The following MPP7 variants were observed in gnomAD, a reference collection of about 807,000 sequenced individuals.
The protein encoded by MPP7 is MAGUK p55 scaffold protein 7.
A neutral mutation model predicts 76.5 loss-of-function variants in MPP7; 60 were observed. That is an observed-to-expected ratio of 0.78 (90% CI 0.64 to 0.97). The LOEUF (loss-of-function observed/expected upper bound fraction) is 0.97, where lower values mean the gene tolerates loss of function less well. MPP7 is among the 50% of genes least tolerant of loss of function. MPP7 has a pLI of 0.00. For synonymous variants in MPP7, 237 were observed against 244.5 expected (o/e 0.97, Z 0.29); for missense variants, 641 against 694.0 (o/e 0.92, Z 0.86).
chr10:28,099,664 G>A (rs761651612), intron 11 of MPP7, among the ~76,000 whole-genome samples: 22 of 152,050 alleles, frequency 1.4e-4, no homozygotes, highest in South Asian at 8.3e-4. Flanking sequence ...AAAATCAGCC[G>A]GATGTGGTGG....
intron 3 of MPP7, among the ~76,000 whole-genome samples, chr10:28,169,121 C>A (rs1220973874): frequency 6.6e-6 from 1 of 152,084 alleles, no homozygotes; most frequent in African/African-American, 2.4e-5. Context: ...GTGGGAAGAG[C>A]ACCCCCTATG....
Position 28,137,840 on chromosome 10 carries a change from T to C in MPP7, c.316-6149A>G, listed in dbSNP as rs1311812905. 5.9e-5 allele frequency among the ~76,000 whole-genome samples: 9 copies of C among 152,284 alleles called. No individual in the cohort carries two copies. In the East Asian group the frequency reaches 1.5e-3, roughly 26 times the overall value. On this transcript the variant is annotated intron_variant, in intron 5 of 16. Coordinates refer to ENST00000683449, the MANE Select transcript of MPP7 (RefSeq NM_001318170.2). ...GAAGAATCTGCAGGAAATTGAACAC[T>C]AGGCCTTGTAACTCATCAGACTCAC... is the stretch of plus-strand genomic sequence containing the variant.
chr10:28,133,997 T>C (rs1835276425), intron 5 of MPP7, among the ~76,000 whole-genome samples: 1 of 152,200 alleles, frequency 6.6e-6, no homozygotes, highest in African/African-American at 2.4e-5. Flanking sequence ...TCTTGGCTAG[T>C]ACAAATAATG....
chr10:28,163,680 G>C (rs1836342071), intron 3 of MPP7, among the ~76,000 whole-genome samples: 1 of 152,134 alleles, frequency 6.6e-6, no homozygotes, highest in Non-Finnish European at 1.5e-5. Flanking sequence ...AGGCACAATG[G>C]CTCACCCCTG....
chr10:28,131,298 C>T (rs1356965534), intron 6 of MPP7, among the ~76,000 whole-genome samples: 1 of 152,118 alleles, frequency 6.6e-6, no homozygotes, highest in Non-Finnish European at 1.5e-5. Context: ...TCAAATCAAC[C>T]ATGCTTGGTA....
At chr10:28,181,389 T>C (rs1222899604) in intron 3 of MPP7, among the ~76,000 whole-genome samples, 3 of 152,226 alleles carry the variant, frequency 2.0e-5, no homozygotes, top group African/African-American at 7.2e-5. Flanking sequence ...TGGATAAAAA[T>C]ATCTTTCTTT....
At chr10:28,113,723 A>AG (rs1834574882) in intron 11 of MPP7, among the ~76,000 whole-genome samples, 1 of 152,212 alleles carries the variant, frequency 6.6e-6, no homozygotes, top group Non-Finnish European at 1.5e-5. Flanking sequence ...CTAATTAGAA[A>AG]GAAAAAAAAA....
intron 3 of MPP7, among the ~76,000 whole-genome samples, chr10:28,152,333 G>A (rs1452207678): frequency 2.6e-5 from 4 of 152,148 alleles, no homozygotes; most frequent in South Asian, 4.1e-4. Flanking sequence ...TTACTTTACC[G>A]CATCATTTTA....
chr10:28,283,222 A>G (rs1053593483), intron 1 of MPP7, among the ~76,000 whole-genome samples: 2 of 151,936 alleles, frequency 1.3e-5, no homozygotes, highest in African/African-American at 4.8e-5. Flanking sequence ...TATGAATTCA[A>G]ATCCTACAGT....
At chr10:28,141,323 G>C (rs1257293484) in intron 5 of MPP7, among the ~76,000 whole-genome samples, 2 of 151,766 alleles carry the variant, frequency 1.3e-5, no homozygotes, top group African/African-American at 2.4e-5. Context: ...AAAAACAAAA[G>C]CATATCCTGT....
At chr10:28,194,431 A>C (rs573671540) in intron 3 of MPP7, among the ~76,000 whole-genome samples, 1 of 152,216 alleles carries the variant, frequency 6.6e-6, no homozygotes, top group Non-Finnish European at 1.5e-5. Context: ...ATGTTTATAG[A>C]AAGTTTACCT....
At chr10:28,182,555 A>C (rs1370247815) in intron 3 of MPP7, among the ~76,000 whole-genome samples, 1 of 152,244 alleles carries the variant, frequency 6.6e-6, no homozygotes, top group Non-Finnish European at 1.5e-5. Context: ...AATCCACACA[A>C]AAGTTATCTC....
chr10:28,189,066 C>G (rs1837324007), intron 3 of MPP7, among the ~76,000 whole-genome samples: 1 of 151,970 alleles, frequency 6.6e-6, no homozygotes, highest in South Asian at 2.1e-4. Context: ...AAATATAAAG[C>G]AAAATATTTT....
intron 2 of MPP7, among the ~76,000 whole-genome samples, chr10:28,232,393 ATT>A (rs1205087265): frequency 6.7e-6 from 1 of 148,990 alleles, no homozygotes; most frequent in East Asian, 2.0e-4. Flanking sequence ...ACACACACAA[ATT>A]GATTGGTAAC....
chr10:28,099,164 G>C (rs1853700970), intron 11 of MPP7, among the ~76,000 whole-genome samples: 2 of 151,956 alleles, frequency 1.3e-5, no homozygotes, highest in African/African-American at 4.8e-5. Flanking sequence ...TAACATAAAA[G>C]GCCCTCAAGC....
chr10:28,190,469 C>T (rs1837378295), intron 3 of MPP7, among the ~76,000 whole-genome samples: 2 of 152,190 alleles, frequency 1.3e-5, no homozygotes, highest in Non-Finnish European at 2.9e-5. Context: ...AAAAACCATA[C>T]AGCATGTGCT....
chr10:28,090,364 T>C (rs1588752571), intron 11 of MPP7, among the ~76,000 whole-genome samples: 2 of 152,314 alleles, frequency 1.3e-5, no homozygotes, highest in South Asian at 4.1e-4. Context: ...TATGTAGTTA[T>C]AATAATGTAA....
chr10:28,166,721 T>A (rs1463730982), intron 3 of MPP7, among the ~76,000 whole-genome samples: 3 of 152,212 alleles, frequency 2.0e-5, no homozygotes, highest in African/African-American at 7.2e-5. Context: ...CTTTTAATTT[T>A]TAAAAAAAAT....
intron 1 of MPP7, among the ~76,000 whole-genome samples, chr10:28,244,648 A>G (rs1282997172): frequency 1.3e-5 from 2 of 152,234 alleles, no homozygotes; most frequent in African/African-American, 2.4e-5. Context: ...GAATCCCACT[A>G]AAAGAATCCT....
Sources: gnomAD v4.1 joint callset for allele counts (sites outside exome capture counted in the v4.1 genomes callset) on GRCh38, gnomAD v4.1.1 for gene constraint, MANE v1.5 for transcripts, NCBI Gene and HGNC (gene_info 2026-07-23, HGNC 2026-07-21) for gene names.